CHD2: variants seen among roughly 807,000 people sequenced by gnomAD.
CHD2 encodes ATP-dependent chromatin remodeler CHD2.
In CHD2, 28 loss-of-function variants were observed where a neutral mutation model predicts 243.9. The ratio of observed to expected loss-of-function variants is 0.11; its 90% CI spans 0.09 to 0.16. The LOEUF is 0.16. Ranked by LOEUF, CHD2 falls within the 10% of genes least tolerant of loss-of-function variation. The pLI is 1.00. For synonymous variants in CHD2, 775 were observed against 779.0 expected, an observed-to-expected ratio of 0.99 and a Z score of 0.09; for missense variants, 1,386 against 2,209.8, an observed-to-expected ratio of 0.63 and a Z score of 7.47.
intron 5 of CHD2, among the ~76,000 whole-genome samples, chr15:92,931,575 A>G (rs1228437797): frequency 5.9e-5 from 9 of 151,826 alleles, no homozygotes; most frequent in Non-Finnish European, 7.4e-5. Context: ...AGGTCTCACT[A>G]CGTTGCCCTG....
At chr15:92,999,193 C>G (rs907106937) in intron 31 of CHD2, among the ~76,000 whole-genome samples, 1 of 151,570 alleles carries the variant, frequency 6.6e-6, no homozygotes, top group Non-Finnish European at 1.5e-5. Context: ...AATTCATCCT[C>G]TGCTCCCCAG....
At position 93,002,170 on chromosome 15, in the gene CHD2, T is replaced by G; in HGVS notation, c.4138-7T>G. The G allele has an allele frequency of 6.3e-7, 1 of 1,580,288 alleles. No homozygotes were observed. Among genetic ancestry groups the G allele is most frequent in the Non-Finnish European group, 8.5e-7 (1 of 1,171,182 alleles). On this transcript the variant is annotated splice_polypyrimidine_tract_variant and splice_region_variant and intron_variant, in intron 32 of 38. Transcript: ENST00000394196. ...GCAAAAATTCATAGCCCTGTTTTGTTTCCTAGGATGATGGCTTGGAAAAAA... is the reference window on the plus strand; with the variant it reads ...GCAAAAATTCATAGCCCTGTTTTGTGTCCTAGGATGATGGCTTGGAAAAAA...
At chr15:92,990,748 A>AT (rs1168272512) in intron 26 of CHD2, among the ~76,000 whole-genome samples, 1 of 152,098 alleles carries the variant, frequency 6.6e-6, no homozygotes, top group Non-Finnish European at 1.5e-5. Context: ...CCCAATTATC[A>AT]TAGTAATTTG....
At chr15:92,995,072 A>G (rs947922173) in intron 28 of CHD2, among the ~76,000 whole-genome samples, 1 of 152,194 alleles carries the variant, frequency 6.6e-6, no homozygotes, top group Non-Finnish European at 1.5e-5. Context: ...TACCAATACC[A>G]ATCTTACTGT....
chr15:92,924,502 G>A lies in CHD2; in HGVS notation c.244G>A (p.Ala82Thr). The change falls in exon 3 of 39, where the codon GCC (alanine) becomes ACC (threonine). Residue 82 changes from alanine (A) to threonine (T), a missense_variant. Around this residue, in one of 19 missense-constraint regions of CHD2, gnomAD observed 89 missense variants for 102.4 expected, o/e 0.87. Transcript: ENST00000394196. The part of the protein sequence containing the change: ...GSKSQPVLPE[A>T]KEKPASKKER... ...CAAATCCCAGCCAGTCCTCCCAGAA[G>A]CCAAAGAGAAGCCAGCCTCTAAGAA... The A allele has an allele frequency of 6.2e-7, 1 of 1,614,116 alleles. No individual in the cohort carries two copies. Among genetic ancestry groups the A allele is most frequent in the Non-Finnish European group, 8.5e-7 (1 of 1,180,000 alleles).
At chr15:92,990,359 C>T (rs985467304) in intron 26 of CHD2, among the ~76,000 whole-genome samples, 1 of 152,170 alleles carries the variant, frequency 6.6e-6, no homozygotes, top group Non-Finnish European at 1.5e-5. Context: ...CTTGCTGAGC[C>T]ATTTTCTTGA....
intron 2 of CHD2, among the ~76,000 whole-genome samples, chr15:92,912,841 C>T (rs1451627871): frequency 1.3e-5 from 2 of 152,204 alleles, no homozygotes; most frequent in Admixed American, 6.5e-5. Flanking sequence ...TGAGCCACTG[C>T]GCCAGGCCCT....
chr15:92,904,442 G>A (rs1463554965), intron 2 of CHD2: 3 of 988,310 alleles, frequency 3.0e-6, no homozygotes, highest in Non-Finnish European at 3.6e-6. Context: ...GGCCGCGTGC[G>A]CATGTCGGGC....
intron 2 of CHD2, among the ~76,000 whole-genome samples, chr15:92,923,407 T>G (rs941929403): frequency 6.6e-6 from 1 of 151,948 alleles, no homozygotes; most frequent in African/African-American, 2.4e-5. Context: ...ATCGCAGGCA[T>G]GCACCATCAT....
chr15:92,915,376 G>T (rs899304476), intron 2 of CHD2, among the ~76,000 whole-genome samples: 38 of 151,912 alleles, frequency 2.5e-4, no homozygotes, highest in Non-Finnish European at 5.9e-5. Context: ...CCGGGTTCAC[G>T]CCATTCTGCT....
At chr15:92,916,761 C>T (rs746325526) in intron 2 of CHD2, among the ~76,000 whole-genome samples, 1 of 152,152 alleles carries the variant, frequency 6.6e-6, no homozygotes, top group Non-Finnish European at 1.5e-5. Context: ...ACCATGTGGT[C>T]CAGGATTGTC....
intron 15 of CHD2, among the ~76,000 whole-genome samples, chr15:92,956,246 A>G (rs1192751971): frequency 6.6e-6 from 1 of 152,148 alleles, no homozygotes; most frequent in Non-Finnish European, 1.5e-5. Flanking sequence ...AGGCCCACCT[A>G]TACCTTTTAG....
intron 6 of CHD2, among the ~76,000 whole-genome samples, chr15:92,938,932 A>ATT: frequency 6.6e-6 from 1 of 152,152 alleles, no homozygotes; most frequent in East Asian, 1.9e-4. Context: ...GTAAAAACTT[A>ATT]TGTATAGTTA....
At chr15:92,927,056 A>G (rs2053076489) in intron 3 of CHD2, among the ~76,000 whole-genome samples, 188 bp from the exon 4 acceptor site, 1 of 152,216 alleles carries the variant, frequency 6.6e-6, no homozygotes, top group African/African-American at 2.4e-5. Context: ...AGACATTGTT[A>G]AACTAATATT....
chr15:92,990,525 A>G (rs1470248572), intron 26 of CHD2, among the ~76,000 whole-genome samples: 1 of 152,222 alleles, frequency 6.6e-6, no homozygotes, highest in African/African-American at 2.4e-5. Flanking sequence ...TTATTTAGAC[A>G]TAAAATATTT....
chr15:93,012,306 A>G (rs1306026685), intron 35 of CHD2, 39 bp from the exon 36 acceptor site: 3 of 1,457,300 alleles, frequency 2.1e-6, no homozygotes, highest in Non-Finnish European at 1.9e-6. Context: ...TGCTTTTCTA[A>G]TTCTATAATT....
intron 2 of CHD2, among the ~76,000 whole-genome samples, chr15:92,919,851 G>A (rs951146986): frequency 1.3e-5 from 2 of 152,144 alleles, no homozygotes; most frequent in Admixed American, 6.5e-5. Context: ...ATAATGAAGT[G>A]CTGTGAATTC....
chr15:92,939,199 T>G (rs182148667), intron 6 of CHD2, among the ~76,000 whole-genome samples: 1 of 152,342 alleles, frequency 6.6e-6, no homozygotes, highest in Non-Finnish European at 1.5e-5. Flanking sequence ...TTCCTACAAG[T>G]AAAACTGTTA....
chr15:93,016,992 T>A (rs950694760), intron 37 of CHD2, among the ~76,000 whole-genome samples: 1 of 152,154 alleles, frequency 6.6e-6, no homozygotes, highest in African/African-American at 2.4e-5. Flanking sequence ...TAGGAAAATA[T>A]AAATTAAAGC....
Sources: allele counts gnomAD v4.1 joint callset (sites outside exome capture counted in the v4.1 genomes callset), GRCh38; gene constraint gnomAD v4.1.1; regional missense constraint gnomAD v4.1.1; transcripts MANE v1.5; gene names NCBI Gene and HGNC (gene_info 2026-07-23, HGNC 2026-07-21).